BLOC1S1: variants seen among roughly 807,000 people sequenced by gnomAD.
The protein encoded by BLOC1S1 is biogenesis of lysosomal organelles complex 1 subunit 1.
A neutral mutation model predicts 19.0 loss-of-function variants in BLOC1S1; 11 were observed. The ratio of observed to expected loss-of-function variants is 0.58; its 90% CI spans 0.37 to 0.96. The LOEUF (loss-of-function observed/expected upper bound fraction) is 0.96, where lower values mean the gene tolerates loss of function less well. Ranked by LOEUF, BLOC1S1 falls within the 40% of genes least tolerant of loss-of-function variation. The probability of loss-of-function intolerance (pLI) is 0.01; values close to 1 mark genes in which losing one functional copy is unlikely to be tolerated. For missense variants in BLOC1S1, 220 were observed against 195.9 expected (o/e 1.12, Z -0.73); for synonymous variants, 94 against 76.4 (o/e 1.23, Z -1.20).
At chr12:55,716,499 GC>G (rs372448428) in intron 1 of BLOC1S1, 1 of 1,269,496 alleles carries the variant, frequency 7.9e-7, no homozygotes, top group African/African-American at 1.6e-5. Context: ...TCTCGTCCTG[GC>G]GGCGGGAAGG....
chr12:55,719,003 T>C, intron 2 of BLOC1S1, 88 bp from the exon 3 acceptor site: 2 of 1,503,414 alleles, frequency 1.3e-6, no homozygotes, highest in Non-Finnish European at 1.8e-6. Flanking sequence ...GATTCTTGGC[T>C]GAACTCCCAC....
chr12:55,719,132 A>G lies in BLOC1S1; in HGVS notation c.260A>G (p.Glu87Gly). 6.2e-7 allele frequency: 1 copy of G among 1,613,934 alleles called. No individual in the cohort carries two copies. Among genetic ancestry groups the G allele is most frequent in the Non-Finnish European group, 8.5e-7 (1 of 1,179,984 alleles). The change falls in exon 3 of 4, where the codon GAG becomes GGG. Residue 87 changes from glutamate (E) to glycine (G), a missense_variant. By Grantham distance (98) the Glu-to-Gly change is moderately conservative. Transcript: ENST00000548925. ...AYMNQRKLDH[E>G]VKTLQVQAAQ... ...ATGAACCAGAGAAAGCTGGACCATG[A>G]GGTGAAGACCCTACAGGTCCAGGCT...
intron 2 of BLOC1S1, among the ~76,000 whole-genome samples, 171 bp downstream of exon 2, chr12:55,717,176 T>C (rs567399911): frequency 1.3e-5 from 2 of 152,088 alleles, no homozygotes; most frequent in African/African-American, 4.8e-5. Flanking sequence ...CAACTCTGAG[T>C]CCTAGCACTG....
intron 1 of BLOC1S1, chr12:55,716,403 C>A (rs949283358): frequency 1.4e-6 from 2 of 1,393,218 alleles, no homozygotes; most frequent in East Asian, 2.8e-5. Context: ...TACTCCGGTC[C>A]CCTCGGCAAC....
At position 55,719,386 on chromosome 12, in the gene BLOC1S1, G is replaced by A. The variant is rs1022639525; in HGVS notation, c.352-113G>A. On this transcript the variant is annotated intron_variant, in intron 3 of 3. Transcript: ENST00000548925. ...GTAGAGAAAGAAAGAAAAGCAGTTG[G>A]TGGGTCCAAGTAAAGCCTTTTCCAG... is the stretch of plus-strand genomic sequence containing the variant. The A allele has an allele frequency of 3.5e-6, 5 of 1,448,360 alleles. No homozygotes were observed. The African/African-American group carries it at 5.6e-5, about 16-fold the overall frequency. The allele number at this position is 1,448,360 out of a possible 1,614,324, so 89.7% of individuals were successfully genotyped here.
chr12:55,718,108 A>T (rs1428576696), intron 2 of BLOC1S1, among the ~76,000 whole-genome samples: 1 of 152,202 alleles, frequency 6.6e-6, no homozygotes, highest in Non-Finnish European at 1.5e-5. Context: ...AGCTAAGCCA[A>T]AGCCAGATTA....
rs1200701455 is a variant in BLOC1S1, at chr12:55,716,278, C to T, written c.145+82C>T. 4 of 1,530,486 alleles carry T rather than the reference C, an allele frequency of 2.6e-6. No individual in the cohort carries two copies. In the African/African-American group the frequency reaches 4.2e-5, roughly 16 times the overall value. The allele number at this position is 1,530,486 out of a possible 1,614,324, so 94.8% of individuals were successfully genotyped here. A position where few individuals can be genotyped will look rare whatever the true frequency, so the allele number is the denominator to read the frequency against. On this transcript the variant is annotated intron_variant, in intron 1 of 3. Transcript: ENST00000548925. Reference sequence around the variant, plus strand: ...GGAGCCTGGATCTCGAGTAACTAACCATATCCAGGGAAAGACGCCAGCTAG... The same window carrying T: ...GGAGCCTGGATCTCGAGTAACTAACTATATCCAGGGAAAGACGCCAGCTAG...
At chr12:55,718,962 A>G (rs2136136366) in intron 2 of BLOC1S1, 129 bp from the exon 3 acceptor site, 2 of 1,181,052 alleles carry the variant, frequency 1.7e-6, no homozygotes, top group East Asian at 5.1e-5. Context: ...CATTTGCATC[A>G]CATCCAAAAA....
Position 55,716,471 on chromosome 12 carries a change from C to G in BLOC1S1, c.145+275C>G, listed in dbSNP as rs1244610014. 6.1e-6 allele frequency: 8 copies of G among 1,310,214 alleles called. No individual in the cohort carries two copies. The Admixed American group carries it at 2.7e-4, about 44-fold the overall frequency. The allele number at this position is 1,310,214 out of a possible 1,614,324, so 81.2% of individuals were successfully genotyped here. A position where few individuals can be genotyped will look rare whatever the true frequency, so the allele number is the denominator to read the frequency against. On this transcript the variant is annotated intron_variant, in intron 1 of 3. Transcript: ENST00000548925. ...CCGCCCCTGCCCCGGAGCGCCCTGCCTATTGGCCCTGGGAGCCTCTCGTCC... is the reference window on the plus strand; with the variant it reads ...CCGCCCCTGCCCCGGAGCGCCCTGCGTATTGGCCCTGGGAGCCTCTCGTCC...
chr12:55,719,347 CAG>C (rs1463800766), intron 3 of BLOC1S1, 124 bp downstream of exon 3: 1 of 1,520,970 alleles, frequency 6.6e-7, no homozygotes, highest in East Asian at 2.3e-5. Flanking sequence ...TCTATAGCCC[CAG>C]TGTCAGAAAA....
chr12:55,716,346 T>C (rs1876524902), intron 1 of BLOC1S1, 150 bp downstream of exon 1: 1 of 1,474,196 alleles, frequency 6.8e-7, no homozygotes, highest in Non-Finnish European at 8.9e-7. Flanking sequence ...GAGAGGCTTT[T>C]TTTGAAACTC....
At chr12:55,717,112 C>T (rs1876620101) in intron 2 of BLOC1S1, 107 bp downstream of exon 2, 1 of 855,912 alleles carries the variant, frequency 1.2e-6, no homozygotes, top group Non-Finnish European at 1.8e-6. Flanking sequence ...GGATGTTCCA[C>T]TAATTCCCCT....
At chr12:55,717,896 G>A (rs993013071) in intron 2 of BLOC1S1, among the ~76,000 whole-genome samples, 1 of 152,186 alleles carries the variant, frequency 6.6e-6, no homozygotes, top group African/African-American at 2.4e-5. Flanking sequence ...ATTCTCAGGG[G>A]AGTCTGTTTC....
intron 1 of BLOC1S1, 55 bp from the exon 2 acceptor site, chr12:55,716,878 A>C: frequency 6.6e-7 from 1 of 1,508,464 alleles, no homozygotes; most frequent in Non-Finnish European, 9.0e-7. Context: ...AACCTTTAAC[A>C]CTACCCCTCA....
chr12:55,716,279 A>G, intron 1 of BLOC1S1, 83 bp downstream of exon 1: 1 of 1,525,726 alleles, frequency 6.6e-7, no homozygotes, highest in South Asian at 1.2e-5. Context: ...GTAACTAACC[A>G]TATCCAGGGA....
At chr12:55,716,872 T>C in intron 1 of BLOC1S1, 61 bp from the exon 2 acceptor site, 1 of 1,494,876 alleles carries the variant, frequency 6.7e-7, no homozygotes, top group East Asian at 2.5e-5. Context: ...GTAGGGAACC[T>C]TTAACACTAC....
In BLOC1S1 at chr12:55,719,537, G is replaced by A. The variant is rs1876814392; in HGVS notation, c.390G>A (p.Glu130=). The stretch of plus-strand genomic sequence containing the variant: ...TGGAGAACTGGGCTCGGAGCATCGA[G>A]CTGGACATGCGCACCATTGCCACTG... ...GDVENWARSI[E]LDMRTIATAL... The change falls in exon 4 of 4, where the codon GAG becomes GAA. Residue 130 remains glutamate, a synonymous_variant. Coordinates refer to ENST00000548925, the MANE Select transcript of BLOC1S1 (RefSeq NM_001487.4). 6.2e-7 allele frequency: 1 copy of A among 1,614,082 alleles called. No homozygotes were observed. The highest frequency in any genetic ancestry group is 1.7e-5 in the Admixed American group (1 of 59,996).
chr12:55,719,075 T>A lies in BLOC1S1; in HGVS notation c.219-16T>A. ...AACTAGCTGGAGCTGATCTCCTCCC[T>A]CCTCCAACCCCCCAGTGTGGCCCAG... On this transcript the variant is annotated splice_polypyrimidine_tract_variant and intron_variant, in intron 2 of 3. Transcript: ENST00000548925. The A allele has an allele frequency of 6.2e-7, 1 of 1,612,392 alleles. No homozygotes were observed. The highest frequency in any genetic ancestry group is 8.5e-7 in the Non-Finnish European group (1 of 1,178,906).
chr12:55,719,430 T>A, intron 3 of BLOC1S1, 69 bp from the exon 4 acceptor site: 1 of 1,493,624 alleles, frequency 6.7e-7, no homozygotes, highest in Non-Finnish European at 9.3e-7. Context: ...TAAAACGTAT[T>A]CCCCAGACTG....
Sources: allele counts gnomAD v4.1 joint callset (sites outside exome capture counted in the v4.1 genomes callset), GRCh38; gene constraint gnomAD v4.1.1; transcripts MANE v1.5; gene names NCBI Gene and HGNC (gene_info 2026-07-23, HGNC 2026-07-21).